Variants in USH2A observed in about 807,000 individuals in gnomAD.
USH2A encodes the protein Usher syndrome 2A (autosomal recessive, mild).
USH2A carries 443 observed loss-of-function variants against 538.9 expected under a neutral mutation model. That is an observed-to-expected ratio of 0.82 (90% CI 0.76 to 0.89). The LOEUF is 0.89. Among genes scored for constraint, USH2A ranks in the 40% least tolerant of loss-of-function variants. USH2A has a pLI of 0.00. For missense variants in USH2A, 6,633 were observed against 6,324.8 expected, an observed-to-expected ratio of 1.05 and a Z score of -1.65; for synonymous variants, 2,413 against 2,273.5, an observed-to-expected ratio of 1.06 and a Z score of -1.75.
At chr1:215,637,441 G>A (rs1421050392) in intron 69 of USH2A, among the ~76,000 whole-genome samples, 3 of 152,346 alleles carry the variant, frequency 2.0e-5, no homozygotes, top group Non-Finnish European at 2.9e-5. Flanking sequence ...CAGGCCAGAA[G>A]TCAATAGAAA....
At chr1:215,706,982 A>C (rs1038500918) in intron 61 of USH2A, among the ~76,000 whole-genome samples, 2 of 152,240 alleles carry the variant, frequency 1.3e-5, no homozygotes, top group Admixed American at 6.5e-5. Context: ...TTAATTAAAA[A>C]TAAAAACAAC....
At chr1:215,839,093 T>G (rs949201171) in intron 46 of USH2A, among the ~76,000 whole-genome samples, 5 of 152,192 alleles carry the variant, frequency 3.3e-5, no homozygotes, top group Admixed American at 2.0e-4. Flanking sequence ...CATAATGCTG[T>G]ATGAGTTGTG....
At chr1:215,717,985 G>C (rs1659534077) in intron 61 of USH2A, among the ~76,000 whole-genome samples, 1 of 152,156 alleles carries the variant, frequency 6.6e-6, no homozygotes, top group Non-Finnish European at 1.5e-5. Flanking sequence ...TCTAATTTAT[G>C]TGTAGTCATT....
chr1:216,317,748 G>GCAGA, intron 9 of USH2A, among the ~76,000 whole-genome samples: 3 of 152,180 alleles, frequency 2.0e-5, no homozygotes, highest in Non-Finnish European at 4.4e-5. Flanking sequence ...AGCTACTTGG[G>GCAGA]AGACTGAGGC....
intron 9 of USH2A, among the ~76,000 whole-genome samples, chr1:216,303,826 C>A (rs2102626120): frequency 6.6e-6 from 1 of 151,982 alleles, no homozygotes; most frequent in East Asian, 1.9e-4. Flanking sequence ...TGGCTGTACT[C>A]TAGCATAATG....
At chr1:216,002,614 T>C (rs1479243004) in intron 32 of USH2A, among the ~76,000 whole-genome samples, 1 of 152,162 alleles carries the variant, frequency 6.6e-6, no homozygotes, top group African/African-American at 2.4e-5. Flanking sequence ...TTGAAATATA[T>C]AATAGCCATA....
Position 215,658,541 on chromosome 1 carries a change from C to A in USH2A, c.14134-7740G>T, listed in dbSNP as rs114662216. 8.6e-3 allele frequency among the ~76,000 whole-genome samples: 1,311 copies of A among 152,240 alleles called. 24 individuals are homozygous for A. Among genetic ancestry groups the A allele is most frequent in the African/African-American group, 0.03 (1,263 of 41,534 alleles). ...CAGATATGTGACATAAAAGCCCAAA[C>A]TCTTTACATCTTCCTACATAAGGCC... On this transcript the variant is annotated intron_variant, in intron 64 of 71. Coordinates refer to ENST00000307340, the MANE Select transcript of USH2A (RefSeq NM_206933.4).
chr1:215,779,933 T>C lies in USH2A; in HGVS notation c.10849A>G (p.Asn3617Asp), dbSNP rs777178240. Residue 3617 changes from asparagine to aspartate, a missense_variant, in exon 55 of 72, where the codon AAC (asparagine) becomes GAC (aspartate). Asn to Asp is a conservative substitution (Grantham distance 23). Coordinates refer to ENST00000307340, the MANE Select transcript of USH2A (RefSeq NM_206933.4). ...HLSWSVPEKS[N>D]GVIKEYQIRQ... is the part of the protein sequence containing the mutation. The stretch of plus-strand genomic sequence containing the variant: ...ATCTGGTACTCTTTAATGACGCCGT[T>C]TGATTTCTCAGGGACACTCCAGCTC... The C allele has an allele frequency of 5.6e-6, 9 of 1,614,032 alleles. No homozygotes were observed. The African/African-American group carries it at 1.1e-4, about 19-fold the overall frequency.
chr1:216,190,528 C>A (rs2034694513), intron 19 of USH2A, among the ~76,000 whole-genome samples, 161 bp from the exon 20 acceptor site: 1 of 148,246 alleles, frequency 6.7e-6, no homozygotes, highest in Non-Finnish European at 1.5e-5. Context: ...AGAGTCTCGA[C>A]AAGCCAGGAT....
intron 61 of USH2A, among the ~76,000 whole-genome samples, chr1:215,693,832 A>G (rs1034071212): frequency 6.6e-6 from 1 of 152,172 alleles, no homozygotes; most frequent in Non-Finnish European, 1.5e-5. Context: ...TTTCCCTGGC[A>G]GAGCCCCTGA....
At chr1:216,100,237 A>G (rs370752374) in intron 21 of USH2A, among the ~76,000 whole-genome samples, 23 of 152,166 alleles carry the variant, frequency 1.5e-4, no homozygotes, top group African/African-American at 5.3e-4. Flanking sequence ...ATAAGGACTG[A>G]GGAAATGAAT....
At chr1:216,209,124 C>T (rs1168182103) in intron 15 of USH2A, among the ~76,000 whole-genome samples, 1 of 152,178 alleles carries the variant, frequency 6.6e-6, no homozygotes, top group African/African-American at 2.4e-5. Context: ...AATAAGCAGT[C>T]AGGCTTGCTA....
At chr1:216,185,565 A>G (rs2034582399) in intron 20 of USH2A, among the ~76,000 whole-genome samples, 1 of 151,936 alleles carries the variant, frequency 6.6e-6, no homozygotes, top group African/African-American at 2.4e-5. Context: ...ATGAGCTCAT[A>G]TGAGCTATTA....
intron 35 of USH2A, among the ~76,000 whole-genome samples, chr1:215,990,058 A>C (rs1667968385): frequency 6.6e-6 from 1 of 152,220 alleles, no homozygotes. Context: ...TTAGTTACAC[A>C]AGAATGAAGT....
At chr1:215,956,501 G>C (rs924626860) in intron 37 of USH2A, among the ~76,000 whole-genome samples, 1 of 152,074 alleles carries the variant, frequency 6.6e-6, no homozygotes, top group Non-Finnish European at 1.5e-5. Context: ...CTTCTAACAG[G>C]CTCCTTTCAT....
At chr1:216,222,253 G>T (rs2035470782) in intron 14 of USH2A, among the ~76,000 whole-genome samples, 1 of 152,082 alleles carries the variant, frequency 6.6e-6, no homozygotes, top group African/African-American at 2.4e-5. Context: ...GGCTTTGCAG[G>T]CCATATGAGC....
At chr1:215,752,671 C>T (rs1660657905) in intron 58 of USH2A, among the ~76,000 whole-genome samples, 1 of 152,152 alleles carries the variant, frequency 6.6e-6, no homozygotes, top group South Asian at 2.1e-4. Context: ...TTCAGGGGCT[C>T]ACCACTTCCA....
rs150209000 is a variant in USH2A at position 216,271,839 on chromosome 1, A to G, written c.1971+17441T>C. 3.5e-3 allele frequency among the ~76,000 whole-genome samples: 539 copies of G among 152,184 alleles called. 4 individuals are homozygous for G. Among genetic ancestry groups the G allele is most frequent in the African/African-American group, 0.012 (512 of 41,548 alleles). Reference sequence around the variant, plus strand: ...TAACTGATTTTCAGATGTTAAACTAACTTTGCATTCCTGGGAGAAATCCAA... The same window carrying G: ...TAACTGATTTTCAGATGTTAAACTAGCTTTGCATTCCTGGGAGAAATCCAA... On this transcript the variant is annotated intron_variant, in intron 11 of 71. Coordinates refer to ENST00000307340, the MANE Select transcript of USH2A (RefSeq NM_206933.4).
At chr1:216,081,329 G>T (rs556880673) in intron 26 of USH2A, among the ~76,000 whole-genome samples, 1 of 152,270 alleles carries the variant, frequency 6.6e-6, no homozygotes, top group South Asian at 2.1e-4. Flanking sequence ...GGGATATGAG[G>T]TTATATTTTG....
Sources: allele counts gnomAD v4.1 joint callset (sites outside exome capture counted in the v4.1 genomes callset), GRCh38; gene constraint gnomAD v4.1.1; transcripts MANE v1.5; gene names NCBI Gene and HGNC (gene_info 2026-07-23, HGNC 2026-07-21).